The following EFCAB6 variants were observed in gnomAD, a reference collection of about 807,000 sequenced individuals.
EFCAB6 encodes the protein EF-hand calcium-binding domain-containing protein 6.
A neutral mutation model predicts 169.8 loss-of-function variants in EFCAB6; 156 were observed. The observed-to-expected ratio is 0.92, with a 90% CI of 0.81 to 1.05. The LOEUF (loss-of-function observed/expected upper bound fraction) is 1.05. Ranked by LOEUF, EFCAB6 falls within the 50% of genes least tolerant of loss-of-function variation. The pLI is 0.00. For missense variants in EFCAB6, 1,800 were observed against 1,829.1 expected (o/e 0.98, Z 0.29); for synonymous variants, 698 against 676.4 (o/e 1.03, Z -0.50).
At chr22:43,797,915 C>G (rs1042947805) in intron 2 of EFCAB6, among the ~76,000 whole-genome samples, 1 of 152,216 alleles carries the variant, frequency 6.6e-6, no homozygotes, top group Non-Finnish European at 1.5e-5. Flanking sequence ...GCTGTAACCT[C>G]TACTTAGACC....
At chr22:43,731,866 G>T in intron 7 of EFCAB6, 55 bp from the exon 8 acceptor site, 1 of 1,114,852 alleles carries the variant, frequency 9.0e-7, no homozygotes, top group Non-Finnish European at 1.3e-6. Context: ...AATGAAGCAA[G>T]TTTGTTACTA....
intron 26 of EFCAB6, among the ~76,000 whole-genome samples, chr22:43,565,457 G>C (rs935795298): frequency 4.6e-5 from 7 of 152,208 alleles, no homozygotes; most frequent in African/African-American, 1.7e-4. Flanking sequence ...GACAGGACAA[G>C]TAAGCTGTTG....
intron 5 of EFCAB6, among the ~76,000 whole-genome samples, chr22:43,756,905 C>G (rs2060975760): frequency 2.0e-5 from 3 of 152,126 alleles, no homozygotes. Flanking sequence ...CTGGCAGGAG[C>G]TCAGCAGACC....
chr22:43,667,534 A>G (rs745385762), intron 16 of EFCAB6, among the ~76,000 whole-genome samples: 10 of 152,184 alleles, frequency 6.6e-5, no homozygotes, highest in Non-Finnish European at 1.0e-4. Flanking sequence ...GGGAACTTGC[A>G]GGGAGAGAAT....
At chr22:43,736,170 T>C (rs192592658) in intron 6 of EFCAB6, among the ~76,000 whole-genome samples, 177 bp from the exon 7 acceptor site, 5 of 152,340 alleles carry the variant, frequency 3.3e-5, no homozygotes, top group African/African-American at 4.8e-5. Context: ...TTTGCATTTA[T>C]TGAATGTTTT....
At chr22:43,661,888 G>A (rs112693609) in intron 17 of EFCAB6, among the ~76,000 whole-genome samples, 2 of 152,156 alleles carry the variant, frequency 1.3e-5, no homozygotes, top group African/African-American at 2.4e-5. Context: ...AGGCCGAGGC[G>A]GGTGGATCAC....
intron 10 of EFCAB6, among the ~76,000 whole-genome samples, chr22:43,697,928 G>A (rs1294413224): frequency 1.3e-5 from 2 of 152,206 alleles, no homozygotes; most frequent in Non-Finnish European, 2.9e-5. Flanking sequence ...GGGTGACAGA[G>A]GCAAAGGGAC....
At chr22:43,779,070 A>G (rs2061729763) in intron 3 of EFCAB6, among the ~76,000 whole-genome samples, 1 of 152,364 alleles carries the variant, frequency 6.6e-6, no homozygotes, top group East Asian at 1.9e-4. Context: ...CATGGTGAAC[A>G]TATAGGGAAT....
At chr22:43,589,966 T>C (rs904904663) in intron 24 of EFCAB6, 108 bp downstream of exon 24, 6 of 1,425,244 alleles carry the variant, frequency 4.2e-6, no homozygotes, top group African/African-American at 1.4e-5. Flanking sequence ...ATGGAGGGTA[T>C]TTTCATCTCA....
chr22:43,775,418 C>T (rs1296895172), intron 3 of EFCAB6, among the ~76,000 whole-genome samples: 3 of 152,090 alleles, frequency 2.0e-5, no homozygotes, highest in Admixed American at 6.5e-5. Context: ...GATGAGGTCA[C>T]GCAAGCTGCT....
At chr22:43,530,789 G>A (rs1242228284) in intron 31 of EFCAB6, 26 bp downstream of exon 31, 3 of 1,611,820 alleles carry the variant, frequency 1.9e-6, no homozygotes, top group Admixed American at 1.7e-5. Flanking sequence ...TCCCTGCAGA[G>A]GCACTGGGCG....
intron 17 of EFCAB6, among the ~76,000 whole-genome samples, chr22:43,646,614 T>C (rs1569310494): frequency 6.6e-6 from 1 of 152,182 alleles, no homozygotes; most frequent in Non-Finnish European, 1.5e-5. Context: ...TAAGGAAATA[T>C]AGAAGAAGAG....
chr22:43,610,067 T>G (rs1393351205), intron 21 of EFCAB6, among the ~76,000 whole-genome samples: 1 of 152,196 alleles, frequency 6.6e-6, no homozygotes, highest in Non-Finnish European at 1.5e-5. Context: ...AATGTGAAAG[T>G]TGAAACTGTC....
At chr22:43,685,024 C>T (rs574966483) in intron 11 of EFCAB6, among the ~76,000 whole-genome samples, 25 of 152,248 alleles carry the variant, frequency 1.6e-4, no homozygotes, top group African/African-American at 5.3e-4. Flanking sequence ...CCTAAAATCG[C>T]AAAAAGCACA....
chr22:43,687,446 T>TC, intron 11 of EFCAB6, 25 bp downstream of exon 11: 1 of 1,103,882 alleles, frequency 9.1e-7, no homozygotes, highest in Non-Finnish European at 1.3e-6. Context: ...AACTAAAATT[T>TC]GTTTTTTTTT....
intron 27 of EFCAB6, among the ~76,000 whole-genome samples, chr22:43,543,814 G>A (rs1012068858): frequency 2.0e-5 from 3 of 152,162 alleles, no homozygotes; most frequent in Admixed American, 2.0e-4. Flanking sequence ...AGGCACTGAT[G>A]TGAGCCGAGG....
At position 43,679,766 on chromosome 22, in the gene EFCAB6, T is replaced by C. The variant is rs181167730; in HGVS notation, c.1252-1603A>G. ...CTTTTCACGGGTTCATAAAAGATTGTATTGGCTGTTCACAGATCTTCTTGG... is the reference window on the plus strand; with the variant it reads ...CTTTTCACGGGTTCATAAAAGATTGCATTGGCTGTTCACAGATCTTCTTGG... On this transcript the variant is annotated intron_variant, in intron 12 of 31. Transcript: ENST00000262726. Among the ~76,000 whole-genome samples, 644 of 152,318 alleles carry C rather than the reference T, an allele frequency of 4.2e-3. 2 individuals carry two copies. The highest frequency in any genetic ancestry group is 0.027 in the Middle Eastern group (8 of 294).
At chr22:43,716,759 G>A (rs1569433006) in intron 9 of EFCAB6, 89 bp downstream of exon 9, 10 of 1,451,832 alleles carry the variant, frequency 6.9e-6, no homozygotes, top group East Asian at 2.5e-5. Flanking sequence ...ACAAATTTTA[G>A]AAATAATGTG....
intron 5 of EFCAB6, among the ~76,000 whole-genome samples, chr22:43,764,677 G>A (rs1429616018): frequency 6.6e-6 from 1 of 151,972 alleles, no homozygotes; most frequent in Admixed American, 6.6e-5. Context: ...CAACTCCTGA[G>A]GAAATGAAGC....
Sources: gnomAD v4.1 joint callset for allele counts (sites outside exome capture counted in the v4.1 genomes callset) on GRCh38, gnomAD v4.1.1 for gene constraint, MANE v1.5 for transcripts, NCBI Gene and HGNC (gene_info 2026-07-23, HGNC 2026-07-21) for gene names.